SBNO1: variants seen among roughly 807,000 people sequenced by gnomAD.
The protein encoded by SBNO1 is strawberry notch homolog 1.
SBNO1 carries 23 observed loss-of-function variants against 173.6 expected under a neutral mutation model. The observed-to-expected ratio is 0.13, with a 90% CI of 0.10 to 0.19. The LOEUF is 0.19. Ranked by LOEUF, SBNO1 falls within the 10% of genes least tolerant of loss-of-function variation. SBNO1 has a pLI of 1.00. For synonymous variants in SBNO1, 632 were observed against 571.5 expected, an observed-to-expected ratio of 1.11 and a Z score of -1.51; for missense variants, 1,238 against 1,671.2, an observed-to-expected ratio of 0.74 and a Z score of 4.52.
intron 13 of SBNO1, among the ~76,000 whole-genome samples, chr12:123,326,948 A>C (rs988924480): frequency 2.0e-5 from 3 of 152,144 alleles, no homozygotes; most frequent in Admixed American, 1.3e-4. Context: ...AAAACAAAAA[A>C]AAACACATTG....
chr12:123,289,707 A>C lies in SBNO1; in HGVS notation c.*6201T>G, dbSNP rs112254867. ...AGATACAAGTGGTTATTGAAAAATC[A>C]TATCAGTAGTTTGCAAATTCAGTAT... On this transcript the variant is annotated 3_prime_UTR_variant, in exon 32 of 32. Transcript: ENST00000602398. 6.6e-5 allele frequency: 10 copies of C among 152,358 alleles called. No individual in the cohort carries two copies. The highest frequency in any genetic ancestry group is 5.8e-4 in the East Asian group (3 of 5,194). 9.4% of individuals were successfully genotyped at this position (152,358 alleles called of 1,614,324 possible).
chr12:123,296,162 C>A, intron 31 of SBNO1, 112 bp from the exon 32 acceptor site: 1 of 644,368 alleles, frequency 1.6e-6, no homozygotes. Flanking sequence ...ACAAGAAGTT[C>A]ACACAAAAAT....
At chr12:123,313,242 AAATAAATAAAT>A (rs2138934874) in intron 24 of SBNO1, among the ~76,000 whole-genome samples, 2 of 145,558 alleles carry the variant, frequency 1.4e-5, no homozygotes, top group South Asian at 4.2e-4. Context: ...ATAAATAAAT[AAATAAATAAAT>A]AATTTTTAAA....
chr12:123,324,262 G>C (rs940542192), intron 15 of SBNO1, among the ~76,000 whole-genome samples: 1 of 151,910 alleles, frequency 6.6e-6, no homozygotes, highest in Non-Finnish European at 1.5e-5. Context: ...TTCTGGACAC[G>C]GTAGTTCTAG....
At chr12:123,297,925 A>G in intron 31 of SBNO1, 53 bp downstream of exon 31, 1 of 1,543,980 alleles carries the variant, frequency 6.5e-7, no homozygotes, top group Non-Finnish European at 8.9e-7. Context: ...ATGAGAAAAA[A>G]GTCGGATCCG....
chr12:123,351,164 A>C (rs1438135562), intron 1 of SBNO1, among the ~76,000 whole-genome samples: 1 of 152,074 alleles, frequency 6.6e-6, no homozygotes. Flanking sequence ...GAGTTAATTC[A>C]ACAAGGGTAT....
In SBNO1 at chr12:123,289,268, T is replaced by C. The variant is rs1223252702; in HGVS notation, c.*6640A>G. The C allele has an allele frequency of 2.0e-5, 3 of 152,256 alleles. No homozygotes were observed. The highest frequency in any genetic ancestry group is 4.4e-5 in the Non-Finnish European group (3 of 68,046). 9.4% of individuals were successfully genotyped at this position (152,256 alleles called of 1,614,324 possible). On this transcript the variant is annotated 3_prime_UTR_variant, in exon 32 of 32. Transcript: ENST00000602398. ...ACCTTGCTAAAATGCAGCCAGTACA[T>C]TTTTATTGCATGAGACCAAATTTTT...
chr12:123,330,019 A>G (rs1378627773), intron 9 of SBNO1, among the ~76,000 whole-genome samples: 1 of 152,190 alleles, frequency 6.6e-6, no homozygotes. Flanking sequence ...CCAAGCCATA[A>G]CTATCTACAT....
At position 123,326,294 on chromosome 12, in the gene SBNO1, A is replaced by C. The variant is rs778495744; in HGVS notation, c.1733T>G (p.Leu578Arg). 1 of 1,608,714 alleles carries C rather than the reference A, an allele frequency of 6.2e-7. No individual in the cohort carries two copies. The highest frequency in any genetic ancestry group is 8.5e-7 in the Non-Finnish European group (1 of 1,176,928). Residue 578 changes from leucine (L) to arginine (R), a missense_variant, in exon 14 of 32, where the codon CTG becomes CGG. Around this residue, in one of 14 missense-constraint regions of SBNO1, gnomAD observed 182 missense variants for 339.9 expected, o/e 0.54. Coordinates refer to ENST00000602398, the MANE Select transcript of SBNO1 (RefSeq NM_001167856.3). The part of the protein sequence containing the change: ...ARERFQQAAD[L>R]IDAEQRMKKS... Reference sequence around the variant, plus strand: ...CTTCATTCGTTGCTCAGCATCAATCAGATCTGCAGCTTGCTGAAACCGCTC... The same window carrying C: ...CTTCATTCGTTGCTCAGCATCAATCCGATCTGCAGCTTGCTGAAACCGCTC...
At chr12:123,360,038 G>A (rs1001747879) in intron 1 of SBNO1, among the ~76,000 whole-genome samples, 2 of 152,086 alleles carry the variant, frequency 1.3e-5, no homozygotes, top group East Asian at 1.9e-4. Flanking sequence ...TCAGGAGTTC[G>A]AGACCAGCCT....
chr12:123,300,976 A>AAACC (rs2048769364), intron 30 of SBNO1, among the ~76,000 whole-genome samples: 2 of 149,092 alleles, frequency 1.3e-5, no homozygotes, highest in South Asian at 4.2e-4. Context: ...AAAACAAAAA[A>AAACC]AAACAAAAAA....
intron 7 of SBNO1, 112 bp from the exon 8 acceptor site, chr12:123,331,487 T>A: frequency 1.0e-6 from 1 of 959,280 alleles, no homozygotes; most frequent in Non-Finnish European, 1.5e-6. Context: ...TTTGTATATG[T>A]ATTTTGTGAC....
intron 21 of SBNO1, among the ~76,000 whole-genome samples, chr12:123,316,703 C>CTTCT (rs1869322630): frequency 1.6e-5 from 2 of 123,900 alleles, no homozygotes; most frequent in Non-Finnish European, 3.3e-5. Flanking sequence ...TTTTCTTCTT[C>CTTCT]TTTTTTTTTT....
At chr12:123,297,419 A>AAAAAAT (rs1325800247) in intron 31 of SBNO1, among the ~76,000 whole-genome samples, 1 of 146,212 alleles carries the variant, frequency 6.8e-6, no homozygotes, top group Non-Finnish European at 1.5e-5. Flanking sequence ...AAAAAAAAAA[A>AAAAAAT]AAATTCCATA....
At chr12:123,334,278 A>G in intron 6 of SBNO1, 65 bp from the exon 7 acceptor site, 2 of 950,582 alleles carry the variant, frequency 2.1e-6, no homozygotes, top group South Asian at 3.5e-5. Context: ...CAGTTTCATT[A>G]TAAGATATTT....
In SBNO1 at chr12:123,336,450, T is replaced by A. The variant is rs375104907; in HGVS notation, c.693A>T (p.Glu231Asp). The change falls in exon 6 of 32, where the codon GAA (glutamate) becomes GAT (aspartate). Residue 231 changes from glutamate (E) to aspartate (D), a missense_variant. By Grantham distance (45) the Glu-to-Asp change is conservative (BLOSUM62 2). Coordinates refer to ENST00000602398, the MANE Select transcript of SBNO1 (RefSeq NM_001167856.3). ...CTGCATGACCCATTTCTTCTTCATCTTCTTCCTCTGGTTCATCATCTTCTT... is the reference window on the plus strand; with the variant it reads ...CTGCATGACCCATTTCTTCTTCATCATCTTCCTCTGGTTCATCATCTTCTT... Reference protein sequence around the residue: ...VVKEDDEPEEEDEEEMGHAET... With the variant: ...VVKEDDEPEEDDEEEMGHAET... 2.1e-5 allele frequency: 34 copies of A among 1,612,900 alleles called. No individual in the cohort carries two copies. Among genetic ancestry groups the A allele is most frequent in the African/African-American group, 4.0e-5 (3 of 74,902 alleles).
chr12:123,312,274 G>A (rs1001863904), intron 24 of SBNO1, among the ~76,000 whole-genome samples: 1 of 152,134 alleles, frequency 6.6e-6, no homozygotes, highest in Non-Finnish European at 1.5e-5. Flanking sequence ...GATGTCAAAA[G>A]GAGTGAAGGT....
intron 9 of SBNO1, 28 bp downstream of exon 9, chr12:123,330,391 T>C (rs1293195606): frequency 3.2e-6 from 4 of 1,260,540 alleles, no homozygotes; most frequent in African/African-American, 1.5e-5. Context: ...ATTTATTGAA[T>C]GACCAACTGA....
rs928917688 is a variant in SBNO1, at chr12:123,336,462, TTCA to T, written c.678_680del (p.Asp226del). 6.2e-7 allele frequency: 1 copy of T among 1,612,606 alleles called. No homozygotes were observed. The highest frequency in any genetic ancestry group is 8.5e-7 in the Non-Finnish European group (1 of 1,179,242). ...TTTCTTCTTCATCTTCTTCCTCTGG[TTCA>T]TCATCTTCTTTTACAACAGGAACCT... is the stretch of plus-strand genomic sequence containing the variant. On this transcript the variant is annotated inframe_deletion, in exon 6 of 32. Transcript: ENST00000602398.
Sources: allele counts gnomAD v4.1 joint callset (sites outside exome capture counted in the v4.1 genomes callset), GRCh38; gene constraint gnomAD v4.1.1; regional missense constraint gnomAD v4.1.1; transcripts MANE v1.5; gene names NCBI Gene and HGNC (gene_info 2026-07-23, HGNC 2026-07-21).